RIMBP2: variants seen among roughly 807,000 people sequenced by gnomAD.
The protein encoded by RIMBP2 is RIMS-binding protein 2.
Under a neutral mutation model 118.6 loss-of-function variants are expected in RIMBP2, and 48 were observed. The ratio of observed to expected loss-of-function variants is 0.40; its 90% CI spans 0.32 to 0.51. The LOEUF is 0.51. Ranked by LOEUF, RIMBP2 falls within the 20% of genes least tolerant of loss-of-function variation. RIMBP2 has a pLI of 0.41. For missense variants in RIMBP2, 1,551 were observed against 1,768.3 expected (o/e 0.88, Z 2.20); for synonymous variants, 762 against 742.9 (o/e 1.03, Z -0.42).
intron 12 of RIMBP2, 30 bp downstream of exon 12, chr12:130,438,335 A>AGGGCCCCCCCC: frequency 1.2e-6 from 1 of 865,014 alleles, no homozygotes; most frequent in African/African-American, 1.7e-5. Context: ...GGCCTAACAA[A>AGGGCCCCCCCC]CCCTCCCCAC....
At chr12:130,416,699 CCACA>C (rs2136565768) in intron 17 of RIMBP2, among the ~76,000 whole-genome samples, 1 of 152,230 alleles carries the variant, frequency 6.6e-6, no homozygotes, top group South Asian at 2.1e-4. Flanking sequence ...AAAACAATTG[CCACA>C]CAAACAAAAA....
chr12:130,582,824 G>A (rs2058565667), intron 2 of RIMBP2, among the ~76,000 whole-genome samples: 2 of 152,154 alleles, frequency 1.3e-5, no homozygotes, highest in South Asian at 2.1e-4. Flanking sequence ...CGAGAGCAGG[G>A]CATTTGTCTA....
In RIMBP2 at chr12:130,647,824, C is replaced by G. The variant is rs1001570683; in HGVS notation, c.-351-19368G>C. Among the ~76,000 whole-genome samples, 7 of 146,010 alleles carry G rather than the reference C, an allele frequency of 4.8e-5. 2 individuals are homozygous for G. On this transcript the variant is annotated intron_variant, in intron 1 of 22. Transcript: ENST00000690449. ...TTGCTGGTAACCTCTACCTCTCTGC[C>G]TTTAAAGACCCTCCCCTTTAAGCCA... is the stretch of plus-strand genomic sequence containing the variant.
At chr12:130,514,312 CA>C (rs1416838569) in intron 3 of RIMBP2, among the ~76,000 whole-genome samples, 2 of 152,266 alleles carry the variant, frequency 1.3e-5, no homozygotes, top group Admixed American at 6.5e-5. Context: ...GCTGAGAAGA[CA>C]GCAGGGGGAG....
intron 2 of RIMBP2, among the ~76,000 whole-genome samples, chr12:130,558,191 T>A (rs2056527540): frequency 6.6e-6 from 1 of 152,150 alleles, no homozygotes; most frequent in African/African-American, 2.4e-5. Flanking sequence ...CCTGGGGTCA[T>A]TCTTGCCGGT....
In RIMBP2 at chr12:130,419,982, C is replaced by A. The variant is rs75153329; in HGVS notation, c.3238+2471G>T. The stretch of plus-strand genomic sequence containing the variant: ...ATTATTTTTCATTGTAGGTCCACTG[C>A]TTATTAAAAATAGGAAGTGTATGGT... On this transcript the variant is annotated intron_variant, in intron 17 of 22. Coordinates refer to ENST00000690449, the MANE Select transcript of RIMBP2 (RefSeq NM_001393629.1). This position sits in a 1 kb window ranked among gnomAD's most constrained non-coding sequence, Gnocchi z 4.3. Among the ~76,000 whole-genome samples, 1,034 of 152,236 alleles carry A rather than the reference C, an allele frequency of 6.8e-3. 8 individuals are homozygous for A. Among genetic ancestry groups the A allele is most frequent in the African/African-American group, 0.024 (983 of 41,534 alleles).
At chr12:130,508,989 A>G (rs2050633096) in intron 3 of RIMBP2, among the ~76,000 whole-genome samples, 1 of 152,046 alleles carries the variant, frequency 6.6e-6, no homozygotes, top group African/African-American at 2.4e-5. Context: ...TCCGGCTTCT[A>G]ATCAGGCTTG....
At chr12:130,637,808 C>G (rs145043814) in intron 1 of RIMBP2, among the ~76,000 whole-genome samples, 3 of 152,156 alleles carry the variant, frequency 2.0e-5, no homozygotes, top group Admixed American at 6.5e-5. Flanking sequence ...CCTTCCTGTA[C>G]AGCTCATGGG....
chr12:130,403,292 T>C (rs11060863), intron 21 of RIMBP2, among the ~76,000 whole-genome samples: 19,258 of 152,162 alleles, frequency 0.13, 1,304 homozygotes, highest in South Asian at 0.21. Flanking sequence ...GTAAAACCAT[T>C]TGGAGGAGTG....
intron 19 of RIMBP2, among the ~76,000 whole-genome samples, chr12:130,411,735 C>T (rs1004463632): frequency 6.6e-6 from 1 of 152,124 alleles, no homozygotes; most frequent in Non-Finnish European, 1.5e-5. Context: ...TCTTCGATCT[C>T]ATGGATTTAA....
chr12:130,524,367 C>T (rs2052526539), intron 2 of RIMBP2, among the ~76,000 whole-genome samples: 1 of 150,236 alleles, frequency 6.7e-6, no homozygotes, highest in South Asian at 2.1e-4. Flanking sequence ...GGCCAGATTC[C>T]CGGTGGCCTC....
chr12:130,627,146 C>T (rs2061692165), intron 2 of RIMBP2, among the ~76,000 whole-genome samples: 1 of 152,232 alleles, frequency 6.6e-6, no homozygotes, highest in Non-Finnish European at 1.5e-5. Flanking sequence ...ATCACCAGGA[C>T]TACGGCTAGC....
chr12:130,489,462 G>C (rs2048419807), intron 4 of RIMBP2, among the ~76,000 whole-genome samples: 1 of 152,100 alleles, frequency 6.6e-6, no homozygotes, highest in Non-Finnish European at 1.5e-5. Context: ...CTCGCCCTCT[G>C]CTTCTGGGTG....
intron 2 of RIMBP2, among the ~76,000 whole-genome samples, chr12:130,526,915 GA>G (rs1390427968): frequency 6.6e-6 from 1 of 152,176 alleles, no homozygotes; most frequent in Non-Finnish European, 1.5e-5. Context: ...TGAAGGAAGG[GA>G]AGGGAAGAAA....
intron 20 of RIMBP2, among the ~76,000 whole-genome samples, chr12:130,406,459 C>T (rs997059081): frequency 6.6e-5 from 10 of 152,174 alleles, no homozygotes; most frequent in African/African-American, 2.2e-4. Flanking sequence ...AAGGAAAATG[C>T]TGCAGTGCTT....
At chr12:130,438,337 C>CGGGGGG in intron 12 of RIMBP2, 28 bp downstream of exon 12, 5 of 1,214,104 alleles carry the variant, frequency 4.1e-6, no homozygotes, top group Non-Finnish European at 6.1e-6. Context: ...CCTAACAAAC[C>CGGGGGG]CTCCCCACCC....
chr12:130,439,423 A>T lies in RIMBP2; in HGVS notation c.1505-907T>A, dbSNP rs547838411. ...TGTATGTATATATGTGTATATGGGT[A>T]TATGTGTATGTGGGTGTGTGGGTGT... On this transcript the variant is annotated intron_variant, in intron 11 of 22. Coordinates refer to ENST00000690449, the MANE Select transcript of RIMBP2 (RefSeq NM_001393629.1). Among the ~76,000 whole-genome samples the T allele has an allele frequency of 9.7e-4, 135 of 139,790 alleles. 1 individual carries two copies. The highest frequency in any genetic ancestry group is 2.0e-3 in the Admixed American group (28 of 13,920). 91.7% of individuals were successfully genotyped at this position (139,790 alleles called of 152,430 possible).
At chr12:130,701,890 G>T (rs931960131) in intron 1 of RIMBP2, among the ~76,000 whole-genome samples, 2 of 151,980 alleles carry the variant, frequency 1.3e-5, no homozygotes, top group Non-Finnish European at 2.9e-5. Flanking sequence ...CCTTCACCCC[G>T]CTGGAGGTAC....
At position 130,440,299 on chromosome 12, in the gene RIMBP2, G is replaced by C. The variant is rs564355107; in HGVS notation, c.1504+1549C>G. Among the ~76,000 whole-genome samples the C allele has an allele frequency of 9.2e-5, 14 of 152,220 alleles. No homozygotes were observed. In the East Asian group the frequency reaches 2.5e-3, roughly 27 times the overall value. On this transcript the variant is annotated intron_variant, in intron 11 of 22. Coordinates refer to ENST00000690449, the MANE Select transcript of RIMBP2 (RefSeq NM_001393629.1). Reference sequence around the variant, plus strand: ...AACCCTGGCCATACCCAAGACCATGGGGGGATGATACATGGGGTGTGGTTG... The same window carrying C: ...AACCCTGGCCATACCCAAGACCATGCGGGGATGATACATGGGGTGTGGTTG...
Sources: allele counts gnomAD v4.1 joint callset (sites outside exome capture counted in the v4.1 genomes callset), GRCh38; gene constraint gnomAD v4.1.1; non-coding constraint Gnocchi (gnomAD v3.1); transcripts MANE v1.5; gene names NCBI Gene and HGNC (gene_info 2026-07-23, HGNC 2026-07-21).